Variants in IKZF2 observed in about 807,000 individuals in gnomAD.
The protein encoded by IKZF2 is IKAROS family zinc finger 2.
A neutral mutation model predicts 49.2 loss-of-function variants in IKZF2; 15 were observed. The ratio of observed to expected loss-of-function variants is 0.30; its 90% CI spans 0.20 to 0.47. The LOEUF (loss-of-function observed/expected upper bound fraction) is 0.47. Ranked by LOEUF, IKZF2 falls within the 20% of genes least tolerant of loss-of-function variation. The probability of loss-of-function intolerance (pLI) is 1.00; values close to 1 mark genes in which losing one functional copy is unlikely to be tolerated. For synonymous variants in IKZF2, 227 were observed against 221.4 expected (o/e 1.03, Z -0.23); for missense variants, 567 against 664.6 (o/e 0.85, Z 1.61).
At chr2:213,030,441 A>C (rs1334237003) in intron 6 of IKZF2, among the ~76,000 whole-genome samples, 5 of 152,166 alleles carry the variant, frequency 3.3e-5, no homozygotes, top group African/African-American at 9.6e-5. Context: ...GTGTCTGTCA[A>C]AAATCATTAC....
chr2:213,110,558 A>G (rs1045198414), intron 4 of IKZF2, among the ~76,000 whole-genome samples: 3 of 151,842 alleles, frequency 2.0e-5, no homozygotes, highest in African/African-American at 7.2e-5. Context: ...TATTTAATCA[A>G]TCCACTACTG....
Position 213,001,300 on chromosome 2 carries a change from A to C in IKZF2, c.*6060T>G, listed in dbSNP as rs964530029. 2.0e-5 allele frequency: 3 copies of C among 151,964 alleles called. No individual in the cohort carries two copies. The highest frequency in any genetic ancestry group is 7.2e-5 in the African/African-American group (3 of 41,404). The allele number at this position is 151,964 out of a possible 1,614,324, so 9.4% of individuals were successfully genotyped here. A position where few individuals can be genotyped will look rare whatever the true frequency, so the allele number is the denominator to read the frequency against. On this transcript the variant is annotated 3_prime_UTR_variant, in exon 9 of 9. Coordinates refer to ENST00000434687, the MANE Select transcript of IKZF2 (RefSeq NM_001387220.1). ...AAAGCATTTTTCTCCCAATTAGGAGAAAGTTAAGACTCTTTGCTTTACATT... is the reference window on the plus strand; with the variant it reads ...AAAGCATTTTTCTCCCAATTAGGAGCAAGTTAAGACTCTTTGCTTTACATT...
chr2:213,013,948 T>C lies in IKZF2; in HGVS notation c.713-14A>G, dbSNP rs756992398. 31 of 1,607,124 alleles carry C rather than the reference T, an allele frequency of 1.9e-5. No homozygotes were observed. Among genetic ancestry groups the C allele is most frequent in the Non-Finnish European group, 2.5e-5 (29 of 1,175,700 alleles). On this transcript the variant is annotated splice_polypyrimidine_tract_variant and intron_variant, in intron 7 of 8. Coordinates refer to ENST00000434687, the MANE Select transcript of IKZF2 (RefSeq NM_001387220.1). ...CCATAGGAGGTACTATACAAAACCA[T>C]AGAAAAATGCAATCTGATAATTTCT...
intron 4 of IKZF2, among the ~76,000 whole-genome samples, chr2:213,095,372 T>C (rs1382733525): frequency 6.6e-6 from 1 of 152,106 alleles, no homozygotes; most frequent in Non-Finnish European, 1.5e-5. Context: ...TTAGACTCTT[T>C]GGGTAACTTT....
intron 4 of IKZF2, among the ~76,000 whole-genome samples, chr2:213,091,226 G>A (rs1705291505): frequency 6.6e-6 from 1 of 152,032 alleles, no homozygotes; most frequent in Non-Finnish European, 1.5e-5. Context: ...GATCCAATAT[G>A]GGTTCACTAA....
intron 4 of IKZF2, among the ~76,000 whole-genome samples, chr2:213,132,695 A>G (rs2060513208): frequency 6.6e-6 from 1 of 152,214 alleles, no homozygotes; most frequent in Non-Finnish European, 1.5e-5. Context: ...CACTCTGGAC[A>G]AGGTCACCTA....
intron 4 of IKZF2, among the ~76,000 whole-genome samples, chr2:213,117,692 A>T (rs1402240712): frequency 2.0e-5 from 3 of 152,188 alleles, no homozygotes; most frequent in Non-Finnish European, 4.4e-5. Flanking sequence ...GCTAATTACA[A>T]TACTTCCGTT....
intron 4 of IKZF2, among the ~76,000 whole-genome samples, chr2:213,141,042 T>C (rs1446497931): frequency 1.3e-5 from 2 of 152,040 alleles, no homozygotes; most frequent in East Asian, 3.9e-4. Context: ...AGCTAAATCT[T>C]TTCCCGGAAA....
chr2:213,045,261 G>T (rs12622471), intron 6 of IKZF2, among the ~76,000 whole-genome samples: 87,106 of 152,078 alleles, frequency 0.57, 25,849 homozygotes, highest in East Asian at 0.76. Flanking sequence ...CATTGATGCA[G>T]ACTTAATCAT....
intron 4 of IKZF2, among the ~76,000 whole-genome samples, chr2:213,086,602 T>C (rs560957192): frequency 6.6e-6 from 1 of 152,230 alleles, no homozygotes; most frequent in East Asian, 1.9e-4. Flanking sequence ...CCTAAAGATG[T>C]CCAGAGATTG....
At position 213,000,782 on chromosome 2, in the gene IKZF2, A is replaced by G. The variant is rs1694837540; in HGVS notation, c.*6578T>C. 1 of 151,848 alleles carries G rather than the reference A, an allele frequency of 6.6e-6. No individual in the cohort carries two copies. 9.4% of individuals were successfully genotyped at this position (151,848 alleles called of 1,614,324 possible). On this transcript the variant is annotated 3_prime_UTR_variant, in exon 9 of 9. Transcript: ENST00000434687. ...TTATTTCTAAAAGGGGAGAAGTAAA[A>G]TAAAAATATTAAGTATTAGGTTCTT...
rs1200570534 is a variant in IKZF2 at position 213,002,267 on chromosome 2, T to A, written c.*5093A>T. The A allele has an allele frequency of 6.6e-6, 1 of 151,516 alleles. No homozygotes were observed. The highest frequency in any genetic ancestry group is 2.4e-5 in the African/African-American group (1 of 41,406). The allele number at this position is 151,516 out of a possible 1,614,324, so 9.4% of individuals were successfully genotyped here. A position where few individuals can be genotyped will look rare whatever the true frequency, so the allele number is the denominator to read the frequency against. The stretch of plus-strand genomic sequence containing the variant: ...CAACACATATTTTATACAGAAAATA[T>A]ACAAATGCAGTGTTATGGGAGGAAA... On this transcript the variant is annotated 3_prime_UTR_variant, in exon 9 of 9. Transcript: ENST00000434687.
chr2:213,127,178 A>G (rs529726080), intron 4 of IKZF2, among the ~76,000 whole-genome samples: 27 of 152,230 alleles, frequency 1.8e-4, no homozygotes, highest in Non-Finnish European at 2.1e-4. Context: ...CTTATTATTC[A>G]TTAGCTATGA....
intron 7 of IKZF2, among the ~76,000 whole-genome samples, chr2:213,017,845 A>G (rs1248218606): frequency 6.6e-6 from 1 of 152,172 alleles, no homozygotes; most frequent in East Asian, 1.9e-4. Context: ...AATAGCTGGT[A>G]AATAACCTCA....
At chr2:213,139,501 CA>C (rs2060793963) in intron 4 of IKZF2, among the ~76,000 whole-genome samples, 1 of 151,864 alleles carries the variant, frequency 6.6e-6, no homozygotes, top group Non-Finnish European at 1.5e-5. Flanking sequence ...TTCACAAGAA[CA>C]AAATGATCTA....
In IKZF2 at chr2:213,135,893, CA is replaced by C. The variant is rs200620785; in HGVS notation, c.139+11814del. Among the ~76,000 whole-genome samples, 1,290 of 144,032 alleles carry C rather than the reference CA, an allele frequency of 9.0e-3. 21 individuals are homozygous for C. Among genetic ancestry groups the C allele is most frequent in the African/African-American group, 0.031 (1,228 of 39,070 alleles). The allele number at this position is 144,032 out of a possible 152,430, so 94.5% of individuals were successfully genotyped here. A position where few individuals can be genotyped will look rare whatever the true frequency, so the allele number is the denominator to read the frequency against. On this transcript the variant is annotated intron_variant, in intron 4 of 8. Transcript: ENST00000434687. ...TGAAACCCCGTCTCCACTAAAAATG[CA>C]AAAAAAAATTAGCCGGGCATGGTGG...
At chr2:213,070,987 C>T (rs1250552655) in intron 4 of IKZF2, among the ~76,000 whole-genome samples, 1 of 152,056 alleles carries the variant, frequency 6.6e-6, no homozygotes, top group East Asian at 1.9e-4. Context: ...TTTAGTTGGG[C>T]GTCCTTCAAC....
rs141044322 is a variant in IKZF2, at chr2:213,130,658, A to G, written c.139+17050T>C. 3.0e-3 allele frequency among the ~76,000 whole-genome samples: 461 copies of G among 152,350 alleles called. 3 individuals carry two copies. Among genetic ancestry groups the G allele is most frequent in the Non-Finnish European group, 5.3e-3 (360 of 68,028 alleles). On this transcript the variant is annotated intron_variant, in intron 4 of 8. Transcript: ENST00000434687. ...ACAGTTCTTTTTGGCACATAAATGC[A>G]TATGACTTGATTATCATTAAATTGC...
chr2:213,140,033 C>T (rs2060811494), intron 4 of IKZF2, among the ~76,000 whole-genome samples: 1 of 151,796 alleles, frequency 6.6e-6, no homozygotes, highest in African/African-American at 2.4e-5. Context: ...TTTTTGAGCC[C>T]CAGCACCAGC....
Sources: allele counts gnomAD v4.1 joint callset (sites outside exome capture counted in the v4.1 genomes callset), GRCh38; gene constraint gnomAD v4.1.1; transcripts MANE v1.5; gene names NCBI Gene and HGNC (gene_info 2026-07-23, HGNC 2026-07-21).